The following RBL2 variants were observed in gnomAD, a reference collection of about 807,000 sequenced individuals.
The protein encoded by RBL2 is retinoblastoma-like protein 2.
In RBL2, 56 loss-of-function variants were observed where a neutral mutation model predicts 126.0. The ratio of observed to expected loss-of-function variants is 0.44; its 90% CI spans 0.36 to 0.56. The LOEUF is 0.56. RBL2 is among the 20% of genes least tolerant of loss of function. The pLI, the probability that RBL2 is intolerant of heterozygous loss-of-function variation, is 0.00. For synonymous variants in RBL2, 454 were observed against 478.5 expected (o/e 0.95, Z 0.67); for missense variants, 1,229 against 1,398.2 (o/e 0.88, Z 1.93).
intron 14 of RBL2, 90 bp from the exon 15 acceptor site, chr16:53,469,826 T>C: frequency 1.5e-6 from 2 of 1,365,664 alleles, no homozygotes; most frequent in Non-Finnish European, 9.8e-7. Flanking sequence ...TTTCAAACAC[T>C]GTAGTTATTT....
In RBL2 at chr16:53,440,953, C is replaced by CTTTTTTTT. The variant is rs1178378934; in HGVS notation, c.372-1688_372-1681dup. Among the ~76,000 whole-genome samples, 196 of 71,654 alleles carry CTTTTTTTT rather than the reference C, an allele frequency of 2.7e-3. 4 individuals carry two copies. The highest frequency in any genetic ancestry group is 3.4e-3 in the African/African-American group (57 of 16,980). The allele number at this position is 71,654 out of a possible 152,430, so 47.0% of individuals were successfully genotyped here. On this transcript the variant is annotated intron_variant, in intron 2 of 21. Transcript: ENST00000262133. ...ACTCTATTTTTTTTATTTTTCAGTT[C>CTTTTTTTT]TTTTTTTTTTTTTTTTTTTTTTTTG...
chr16:53,465,617 C>T lies in RBL2; in HGVS notation c.1863+15C>T. On this transcript the variant is annotated intron_variant, in intron 13 of 21. Transcript: ENST00000262133. ...CATGTGAAGAGGTTTGTGAAAATAA[C>T]ATCTTTTTATGAGAAAAATACATCA... 6.5e-7 allele frequency: 1 copy of T among 1,529,154 alleles called. No homozygotes were observed. The highest frequency in any genetic ancestry group is 8.8e-7 in the Non-Finnish European group (1 of 1,140,784). The allele number at this position is 1,529,154 out of a possible 1,614,324, so 94.7% of individuals were successfully genotyped here.
At position 53,470,146 on chromosome 16, in the gene RBL2, A is replaced by T. The variant is rs753888560; in HGVS notation, c.2206A>T (p.Thr736Ser). The T allele has an allele frequency of 2.4e-5, 38 of 1,612,916 alleles. No homozygotes were observed. The highest frequency in any genetic ancestry group is 2.9e-5 in the Non-Finnish European group (34 of 1,179,102). ...GGTCACCATGGCAACCGCCACTGTC[A>T]CAGCCAACAATGGGCAAACGGTAAC... Reference protein sequence around the residue: ...TLVTMATATVTANNGQTVTIP... With the variant: ...TLVTMATATVSANNGQTVTIP... Residue 736 changes from threonine to serine, a missense_variant, in exon 15 of 22, where the codon ACA becomes TCA. Physicochemically the swap from Thr to Ser is moderately conservative, Grantham distance 58. This residue lies in a region of RBL2 where 1,070 missense variants were observed against 1,274.3 expected (regional missense o/e 0.84). Coordinates refer to ENST00000262133, the MANE Select transcript of RBL2 (RefSeq NM_005611.4).
chr16:53,457,277 T>TTTTTTTTTTTTTTTTG lies in RBL2; in HGVS notation c.1180-2174_1180-2173insTTTTTTTTTTTTTTTG, dbSNP rs1213898728. ...AGATAGCTTTTTTTTTTTTTTTTTTTGAGATGGAGTCTCGCTCTGTCACCC... is the reference window on the plus strand; with the variant it reads ...AGATAGCTTTTTTTTTTTTTTTTTTTTTTTTTTTTTTTTTTGGAGATGGAGTCTCGCTCTGTCACCC... On this transcript the variant is annotated intron_variant, in intron 8 of 21. Transcript: ENST00000262133. Among the ~76,000 whole-genome samples the TTTTTTTTTTTTTTTTG allele has an allele frequency of 1.1e-4, 15 of 139,974 alleles. 2 individuals are homozygous for TTTTTTTTTTTTTTTTG. The highest frequency in any genetic ancestry group is 9.4e-5 in the Non-Finnish European group (6 of 64,146). The allele number at this position is 139,974 out of a possible 152,430, so 91.8% of individuals were successfully genotyped here.
intron 4 of RBL2, among the ~76,000 whole-genome samples, chr16:53,448,185 TCTCA>T (rs1289330911): frequency 6.6e-6 from 1 of 151,864 alleles, no homozygotes; most frequent in Non-Finnish European, 1.5e-5. Flanking sequence ...TGAGATGGAG[TCTCA>T]CTCTGTTGCC....
In RBL2 at chr16:53,490,517, A is replaced by C. The variant is rs955986000; in HGVS notation, c.*217A>C. On this transcript the variant is annotated 3_prime_UTR_variant, in exon 22 of 22. Coordinates refer to ENST00000262133, the MANE Select transcript of RBL2 (RefSeq NM_005611.4). ...GTCTTTTTTTCCCTACCATTCAGTG[A>C]TTACTGTCAAGGCTGCTTAGAATCC... is the stretch of plus-strand genomic sequence containing the variant. 9 of 390,220 alleles carry C rather than the reference A, an allele frequency of 2.3e-5. No individual in the cohort carries two copies. Among genetic ancestry groups the C allele is most frequent in the African/African-American group, 1.9e-4 (9 of 48,422 alleles). 24.2% of individuals were successfully genotyped at this position (390,220 alleles called of 1,614,324 possible). A position where few individuals can be genotyped will look rare whatever the true frequency, so the allele number is the denominator to read the frequency against.
chr16:53,435,645 T>G, intron 1 of RBL2: 1 of 1,287,760 alleles, frequency 7.8e-7, no homozygotes, highest in Non-Finnish European at 1.0e-6. Context: ...ACTGTGTGTG[T>G]GGCATTTAAA....
At chr16:53,468,043 A>C (rs2058287754) in intron 14 of RBL2, among the ~76,000 whole-genome samples, 1 of 152,218 alleles carries the variant, frequency 6.6e-6, no homozygotes, top group Non-Finnish European at 1.5e-5. Flanking sequence ...TGTATTTTTT[A>C]GGCAGCTGCT....
At chr16:53,476,063 A>G (rs769850258) in intron 17 of RBL2, among the ~76,000 whole-genome samples, 14 of 151,638 alleles carry the variant, frequency 9.2e-5, no homozygotes, top group Non-Finnish European at 1.9e-4. Context: ...AGCTCAAGCA[A>G]TCCTCCCTCC....
Position 53,486,124 on chromosome 16 carries a change from T to TGAAA in RBL2, c.3250-4005_3250-4002dup, listed in dbSNP as rs1555570608. On this transcript the variant is annotated intron_variant, in intron 21 of 21. Transcript: ENST00000262133. ...GGGCAACATAGCAAGACCTTGTCTC[T>TGAAA]GAAAAAAAAAAAAAAAAAAAAGCCA... 9.7e-3 allele frequency among the ~76,000 whole-genome samples: 874 copies of TGAAA among 90,276 alleles called. 14 individuals carry two copies. The highest frequency in any genetic ancestry group is 0.048 in the African/African-American group (836 of 17,542). The allele number at this position is 90,276 out of a possible 152,430, so 59.2% of individuals were successfully genotyped here.
chr16:53,444,545 T>G (rs1401656421), intron 3 of RBL2, among the ~76,000 whole-genome samples: 1 of 147,586 alleles, frequency 6.8e-6, no homozygotes, highest in African/African-American at 2.6e-5. Context: ...AGAGCGAGAC[T>G]CCATTTTAAT....
intron 17 of RBL2, among the ~76,000 whole-genome samples, chr16:53,474,831 G>T (rs1319716002): frequency 1.3e-5 from 2 of 152,138 alleles, no homozygotes; most frequent in African/African-American, 4.8e-5. Flanking sequence ...TCATAGAATT[G>T]AGTAGGAAGT....
Position 53,481,745 on chromosome 16 carries a change from T to C in RBL2, c.3159T>C (p.Asn1053=), listed in dbSNP as rs1234173919. 6.2e-7 allele frequency: 1 copy of C among 1,601,568 alleles called. No individual in the cohort carries two copies. The highest frequency in any genetic ancestry group is 1.7e-5 in the Admixed American group (1 of 59,976). ...GSPRRIQLSQ[N]HPVYISPHKN... ...CTCGCCGAATACAGTTGTCTCAAAA[T>C]CATCCTGTCTACATTTCCCCACATA... Residue 1053 remains asparagine, a synonymous_variant, in exon 21 of 22, where the codon AAT becomes AAC. Transcript: ENST00000262133.
intron 5 of RBL2, among the ~76,000 whole-genome samples, chr16:53,452,866 C>T (rs955911912): frequency 3.9e-5 from 6 of 151,972 alleles, no homozygotes; most frequent in African/African-American, 1.4e-4. Flanking sequence ...GATGAGGTTT[C>T]GCCATGTTTC....
Position 53,453,785 on chromosome 16 carries a change from T to C in RBL2, c.992+16T>C. The C allele has an allele frequency of 1.3e-6, 2 of 1,555,294 alleles. No homozygotes were observed. The highest frequency in any genetic ancestry group is 2.3e-5 in the South Asian group (2 of 85,122). On this transcript the variant is annotated intron_variant, in intron 7 of 21. Coordinates refer to ENST00000262133, the MANE Select transcript of RBL2 (RefSeq NM_005611.4). ...GAGAGAGTTTGTGAGTACTTCTGTA[T>C]AAAATGTTTTAATATTTTAAATTGT... is the stretch of plus-strand genomic sequence containing the variant.
At position 53,442,833 on chromosome 16, in the gene RBL2, C is replaced by T. The variant is rs376376448; in HGVS notation, c.547C>T (p.Arg183Cys). Residue 183 changes from arginine (R) to cysteine (C), a missense_variant, in exon 3 of 22, where the codon CGT becomes TGT. Arg to Cys is a radical substitution (Grantham distance 180, BLOSUM62 -3). This residue lies in a region of RBL2 where 1,070 missense variants were observed against 1,274.3 expected (regional missense o/e 0.84). Coordinates refer to ENST00000262133, the MANE Select transcript of RBL2 (RefSeq NM_005611.4). ...IFKYPQEEQP[R>C]QQRGRKQRRQ... ...TAAATACCCTCAAGAGGAGCAACCT[C>T]GTCAGCAGCGAGGAAGGAAACAGCG... 29 of 1,612,762 alleles carry T rather than the reference C, an allele frequency of 1.8e-5. No homozygotes were observed. Among genetic ancestry groups the T allele is most frequent in the Middle Eastern group, 1.6e-4 (1 of 6,082 alleles).
intron 17 of RBL2, among the ~76,000 whole-genome samples, chr16:53,472,167 A>G (rs564336247): frequency 2.6e-5 from 4 of 152,282 alleles, no homozygotes; most frequent in Non-Finnish European, 5.9e-5. Context: ...TCATACACTG[A>G]TGGATATTTG....
intron 2 of RBL2, 82 bp from the exon 3 acceptor site, chr16:53,442,576 A>G: frequency 9.8e-7 from 1 of 1,020,976 alleles, no homozygotes; most frequent in Non-Finnish European, 1.4e-6. Flanking sequence ...ATGCGATAAT[A>G]TTGATTTACT....
At chr16:53,434,823 C>T (rs1241032569) in intron 1 of RBL2, 27 bp downstream of exon 1, 1 of 1,480,114 alleles carries the variant, frequency 6.8e-7, no homozygotes, top group South Asian at 1.3e-5. Flanking sequence ...AGGGGCGCTT[C>T]CGGCCTAGTT....
Sources: allele counts gnomAD v4.1 joint callset (sites outside exome capture counted in the v4.1 genomes callset), GRCh38; gene constraint gnomAD v4.1.1; regional missense constraint gnomAD v4.1.1; transcripts MANE v1.5; gene names NCBI Gene and HGNC (gene_info 2026-07-23, HGNC 2026-07-21).